The following LRRFIP2 variants were observed in gnomAD, a reference collection of about 807,000 sequenced individuals.
The protein encoded by LRRFIP2 is LRR binding FLII interacting protein 2.
Under a neutral mutation model 125.9 loss-of-function variants are expected in LRRFIP2, and 109 were observed. That is an observed-to-expected ratio of 0.87 (90% CI 0.74 to 1.01). The LOEUF (loss-of-function observed/expected upper bound fraction) is 1.01. Among genes scored for constraint, LRRFIP2 ranks in the 50% least tolerant of loss-of-function variants. The pLI is 0.00. For missense variants in LRRFIP2, 850 were observed against 862.3 expected (o/e 0.99, Z 0.18); for synonymous variants, 291 against 293.1 (o/e 0.99, Z 0.07).
chr3:37,157,845 A>T (rs937435913), intron 1 of LRRFIP2, among the ~76,000 whole-genome samples: 1 of 152,252 alleles, frequency 6.6e-6, no homozygotes, highest in Non-Finnish European at 1.5e-5. Context: ...ATAAAGAGAA[A>T]TGCTTACAAA....
chr3:37,157,279 C>T lies in LRRFIP2; in HGVS notation c.-55-8241G>A, dbSNP rs546285959. Among the ~76,000 whole-genome samples, 12 of 152,130 alleles carry T rather than the reference C, an allele frequency of 7.9e-5. No homozygotes were observed. The East Asian group carries it at 2.3e-3, about 29-fold the overall frequency. On this transcript the variant is annotated intron_variant, in intron 1 of 27. Transcript: ENST00000336686. Reference sequence around the variant, plus strand: ...GCAACATGGAGAAACCCTGTCTCTACAAAAAACACAAAAATTAACCAGGCA... The same window carrying T: ...GCAACATGGAGAAACCCTGTCTCTATAAAAAACACAAAAATTAACCAGGCA...
At chr3:37,120,815 A>C (rs536817528) in intron 6 of LRRFIP2, among the ~76,000 whole-genome samples, 226 of 152,242 alleles carry the variant, frequency 1.5e-3, no homozygotes, top group Non-Finnish European at 2.6e-3. Flanking sequence ...ATAAAATGGA[A>C]AAAAAGAAAG....
intron 19 of LRRFIP2, among the ~76,000 whole-genome samples, chr3:37,080,714 T>C (rs946433286): frequency 1.3e-5 from 2 of 152,110 alleles, no homozygotes; most frequent in Non-Finnish European, 2.9e-5. Context: ...GAAAAACTTG[T>C]AAGACTGGGA....
At position 37,083,651 on chromosome 3, in the gene LRRFIP2, A is replaced by G; in HGVS notation, c.1263T>C (p.Asn421=). Residue 421 remains asparagine, a synonymous_variant, in exon 19 of 28, where the codon AAT becomes AAC. Transcript: ENST00000336686. ...TAAGCATTACCTTTGATTTTTCTTC[A>G]TTTTCTCTATAAAATTCTGCCATCT... ...EEQMAEFYRE[N]EEKSKELERQ... is the part of the protein sequence containing the mutation. 1 of 1,558,296 alleles carries G rather than the reference A, an allele frequency of 6.4e-7. No individual in the cohort carries two copies. Among genetic ancestry groups the G allele is most frequent in the South Asian group, 1.2e-5 (1 of 80,644 alleles).
At position 37,058,803 on chromosome 3, in the gene LRRFIP2, GA is replaced by G; in HGVS notation, c.1856del (p.Phe619SerfsTer26). ...AGLQNGSDLQ[F>X]IEMQRDANRQ... Reference sequence around the variant, plus strand: ...CCTGGTACCTACTCTGCATTTCGATGAACTGCAAGTCTGAGCCATTCTGCAG... The same window carrying G: ...CCTGGTACCTACTCTGCATTTCGATGACTGCAAGTCTGAGCCATTCTGCAG... On this transcript the variant is annotated frameshift_variant, in exon 25 of 28. Coordinates refer to ENST00000336686, the MANE Select transcript of LRRFIP2 (RefSeq NM_006309.4). LOFTEE classifies it high-confidence loss of function. The G allele has an allele frequency of 6.2e-7, 1 of 1,613,784 alleles. No homozygotes were observed. Among genetic ancestry groups the G allele is most frequent in the Non-Finnish European group, 8.5e-7 (1 of 1,179,886 alleles).
rs754423245 is a variant in LRRFIP2, at chr3:37,096,591, T to C, written c.918+25A>G. On this transcript the variant is annotated intron_variant, in intron 16 of 27. Transcript: ENST00000336686. Reference sequence around the variant, plus strand: ...AGCAAGTTTAATTGACCTTGAGAATTTCCCTTAGGAATTTACATACTCACT... The same window carrying C: ...AGCAAGTTTAATTGACCTTGAGAATCTCCCTTAGGAATTTACATACTCACT... The C allele has an allele frequency of 3.4e-6, 5 of 1,455,496 alleles. No individual in the cohort carries two copies. The Admixed American group carries it at 5.7e-5, about 16-fold the overall frequency. 90.2% of individuals were successfully genotyped at this position (1,455,496 alleles called of 1,614,324 possible). A position where few individuals can be genotyped will look rare whatever the true frequency, so the allele number is the denominator to read the frequency against.
intron 2 of LRRFIP2, among the ~76,000 whole-genome samples, chr3:37,148,147 TAA>T (rs947804217): frequency 6.6e-6 from 1 of 152,212 alleles, no homozygotes; most frequent in African/African-American, 2.4e-5. Flanking sequence ...CTAATTATCC[TAA>T]GTTTACATTC....
At position 37,053,739 on chromosome 3, in the gene LRRFIP2, T is replaced by C. The variant is rs1050081156; in HGVS notation, c.*112A>G. On this transcript the variant is annotated 3_prime_UTR_variant, in exon 28 of 28. Coordinates refer to ENST00000336686, the MANE Select transcript of LRRFIP2 (RefSeq NM_006309.4). ...AAATTATAAAATACAAAGGTGGCTGTTTTAATGACAAAACTCAAAACAGTA... is the reference window on the plus strand; with the variant it reads ...AAATTATAAAATACAAAGGTGGCTGCTTTAATGACAAAACTCAAAACAGTA... 40 of 676,338 alleles carry C rather than the reference T, an allele frequency of 5.9e-5. No individual in the cohort carries two copies. The highest frequency in any genetic ancestry group is 1.0e-4 in the Non-Finnish European group (38 of 373,554). The allele number at this position is 676,338 out of a possible 1,614,324, so 41.9% of individuals were successfully genotyped here.
intron 15 of LRRFIP2, among the ~76,000 whole-genome samples, chr3:37,101,627 T>C (rs2094052989): frequency 6.9e-6 from 1 of 145,298 alleles, no homozygotes; most frequent in Non-Finnish European, 1.5e-5. Context: ...ATCGCACTGC[T>C]GCACTCCGAC....
Position 37,054,466 on chromosome 3 carries a change from T to C in LRRFIP2, c.2000A>G (p.Asn667Ser). The C allele has an allele frequency of 1.2e-6, 2 of 1,614,088 alleles. No individual in the cohort carries two copies. Among genetic ancestry groups the C allele is most frequent in the Non-Finnish European group, 1.7e-6 (2 of 1,179,964 alleles). ...QVLRYKTAAE[N>S]AEKVEDELKA... is the part of the protein sequence containing the mutation. ...CAATTCATCTTCAACTTTCTCAGCA[T>C]TCTCAGCAGCAGTTTTATATCTCAG... The change falls in exon 27 of 28, where the codon AAT becomes AGT. Residue 667 changes from asparagine to serine, a missense_variant. Physicochemically the swap from Asn to Ser is conservative, Grantham distance 46. Coordinates refer to ENST00000336686, the MANE Select transcript of LRRFIP2 (RefSeq NM_006309.4).
chr3:37,064,081 C>T (rs1575875731), intron 23 of LRRFIP2: 1 of 349,786 alleles, frequency 2.9e-6, no homozygotes, highest in South Asian at 3.8e-5. Flanking sequence ...AGGTCATTTC[C>T]TTGTTTCAAG....
intron 19 of LRRFIP2, among the ~76,000 whole-genome samples, chr3:37,078,582 G>T (rs1034624598): frequency 4.6e-5 from 7 of 152,090 alleles, no homozygotes; most frequent in Non-Finnish European, 8.8e-5. Context: ...GGAACTATCA[G>T]CAAGAACTCA....
At chr3:37,165,077 T>C (rs991598593) in intron 1 of LRRFIP2, among the ~76,000 whole-genome samples, 1 of 151,442 alleles carries the variant, frequency 6.6e-6, no homozygotes, top group Non-Finnish European at 1.5e-5. Context: ...CTACTAAAAA[T>C]ACAAAAAATT....
intron 9 of LRRFIP2, among the ~76,000 whole-genome samples, chr3:37,110,010 C>T (rs1431658025): frequency 6.6e-6 from 1 of 152,078 alleles, no homozygotes; most frequent in Non-Finnish European, 1.5e-5. Context: ...TAAGAAAACA[C>T]TGAGGGAAAG....
chr3:37,077,655 T>A (rs2092230401), intron 19 of LRRFIP2, among the ~76,000 whole-genome samples: 1 of 152,274 alleles, frequency 6.6e-6, no homozygotes, highest in Admixed American at 6.5e-5. Context: ...GATATATTCT[T>A]TGTTAACGTG....
chr3:37,116,913 A>T (rs147785124), intron 6 of LRRFIP2, among the ~76,000 whole-genome samples: 27 of 152,216 alleles, frequency 1.8e-4, no homozygotes, highest in African/African-American at 6.5e-4. Context: ...TGCTTTTCTT[A>T]TATTATCCTG....
chr3:37,070,817 C>T (rs2091057912), intron 21 of LRRFIP2, among the ~76,000 whole-genome samples: 1 of 152,024 alleles, frequency 6.6e-6, no homozygotes, highest in African/African-American at 2.4e-5. Context: ...GTTTCTATGG[C>T]TGGTCCAAGA....
intron 19 of LRRFIP2, among the ~76,000 whole-genome samples, chr3:37,082,903 T>C (rs2092752356): frequency 1.3e-5 from 2 of 148,712 alleles, no homozygotes; most frequent in South Asian, 2.1e-4. Flanking sequence ...TTTATCAATA[T>C]GCACTTCCTA....
chr3:37,150,249 G>T (rs2150052070), intron 1 of LRRFIP2, among the ~76,000 whole-genome samples: 1 of 151,990 alleles, frequency 6.6e-6, no homozygotes, highest in South Asian at 2.1e-4. Context: ...GATCACCTGG[G>T]ATCAGGAGTT....
Sources: allele counts gnomAD v4.1 joint callset (sites outside exome capture counted in the v4.1 genomes callset), GRCh38; gene constraint gnomAD v4.1.1; transcripts MANE v1.5; gene names NCBI Gene and HGNC (gene_info 2026-07-23, HGNC 2026-07-21).